The following UBR1 variants were observed in gnomAD, a reference collection of about 807,000 sequenced individuals.
The protein encoded by UBR1 is E3 ubiquitin-protein ligase UBR1.
A neutral mutation model predicts 242.1 loss-of-function variants in UBR1; 102 were observed. The observed-to-expected ratio is 0.42, with a 90% CI of 0.36 to 0.50. The LOEUF (loss-of-function observed/expected upper bound fraction) is 0.50, where lower values mean the gene tolerates loss of function less well. Ranked by LOEUF, UBR1 falls within the 20% of genes least tolerant of loss-of-function variation. The pLI, the probability that UBR1 is intolerant of heterozygous loss-of-function variation, is 0.01. For missense variants in UBR1, 1,772 were observed against 2,101.8 expected, an observed-to-expected ratio of 0.84 and a Z score of 3.07; for synonymous variants, 675 against 684.8, an observed-to-expected ratio of 0.99 and a Z score of 0.22.
intron 11 of UBR1, among the ~76,000 whole-genome samples, chr15:43,055,815 T>C (rs1283523617): frequency 6.6e-6 from 1 of 152,086 alleles, no homozygotes; most frequent in Admixed American, 6.5e-5. Context: ...CTTGGGTGGC[T>C]GAGGCATGAG....
At chr15:43,101,890 C>A (rs2034239186) in intron 1 of UBR1, among the ~76,000 whole-genome samples, 1 of 150,122 alleles carries the variant, frequency 6.7e-6, no homozygotes, top group Non-Finnish European at 1.5e-5. Context: ...ATCGCTTGAA[C>A]CCGGGAGGTA....
chr15:43,072,191 T>C (rs1413758110), intron 4 of UBR1, among the ~76,000 whole-genome samples: 1 of 152,192 alleles, frequency 6.6e-6, no homozygotes, highest in Non-Finnish European at 1.5e-5. Context: ...ATGAAGTACA[T>C]AGTTTTAACA....
At chr15:43,014,459 T>C (rs2032978666) in intron 29 of UBR1, among the ~76,000 whole-genome samples, 1 of 145,464 alleles carries the variant, frequency 6.9e-6, no homozygotes, top group East Asian at 2.1e-4. Context: ...CCGGCTGCCA[T>C]CCCATCTAGG....
At chr15:43,091,298 C>T (rs958078788) in intron 1 of UBR1, among the ~76,000 whole-genome samples, 1 of 152,122 alleles carries the variant, frequency 6.6e-6, no homozygotes, top group Non-Finnish European at 1.5e-5. Flanking sequence ...ATAGGTTGGG[C>T]ATCCCACACC....
At chr15:43,017,991 TTC>T (rs1378389778) in intron 27 of UBR1, among the ~76,000 whole-genome samples, 1 of 151,596 alleles carries the variant, frequency 6.6e-6, no homozygotes, top group Non-Finnish European at 1.5e-5. Context: ...ATTTCGACAT[TTC>T]TTTTTTGGTT....
At chr15:43,041,057 T>C (rs1264717864) in intron 15 of UBR1, among the ~76,000 whole-genome samples, 1 of 152,160 alleles carries the variant, frequency 6.6e-6, no homozygotes, top group Non-Finnish European at 1.5e-5. Context: ...GATCTAGAAC[T>C]AGAAATACCA....
At chr15:43,092,845 C>T (rs762386395) in intron 1 of UBR1, among the ~76,000 whole-genome samples, 1 of 152,184 alleles carries the variant, frequency 6.6e-6, no homozygotes, top group Non-Finnish European at 1.5e-5. Context: ...AGCCACCGCG[C>T]CCAGCCTAGA....
rs1398589711 is a variant in UBR1 at position 43,043,340 on chromosome 15, C to T, written c.1724G>A (p.Ser575Asn). 1.2e-6 allele frequency: 2 copies of T among 1,613,934 alleles called. No homozygotes were observed. Among genetic ancestry groups the T allele is most frequent in the Non-Finnish European group, 1.7e-6 (2 of 1,179,992 alleles). ...KECHKAVMRC[S>N]TSFISSSKTV... ...CTTGCTACTAGATATGAAACTGGTA[C>T]TGCACCTCATCACAGCTTTGTGACA... Residue 575 changes from serine to asparagine, a missense_variant, in exon 15 of 47, where the codon AGT becomes AAT. Physicochemically the swap from Ser to Asn is conservative, Grantham distance 46. Transcript: ENST00000290650.
chr15:43,101,367 C>A (rs1289550895), intron 1 of UBR1, among the ~76,000 whole-genome samples: 2 of 152,194 alleles, frequency 1.3e-5, no homozygotes, highest in Non-Finnish European at 2.9e-5. Context: ...TAGGAAGTCA[C>A]TGCAGTAGCC....
chr15:43,083,941 G>A (rs1183557201), intron 2 of UBR1, among the ~76,000 whole-genome samples: 1 of 151,998 alleles, frequency 6.6e-6, no homozygotes, highest in African/African-American at 2.4e-5. Flanking sequence ...CTACTCAGGA[G>A]GTTGAGGCAG....
chr15:43,093,534 C>A (rs931751391), intron 1 of UBR1, among the ~76,000 whole-genome samples: 1 of 152,058 alleles, frequency 6.6e-6, no homozygotes, highest in Non-Finnish European at 1.5e-5. Flanking sequence ...TAACCCTAGC[C>A]CTTTGGGAGG....
chr15:42,969,343 G>A (rs190234427), intron 40 of UBR1, among the ~76,000 whole-genome samples: 1 of 152,110 alleles, frequency 6.6e-6, no homozygotes, highest in East Asian at 1.9e-4. Flanking sequence ...CATATCCTTC[G>A]CCCACTTTCT....
At chr15:43,075,788 T>C (rs1302226848) in intron 3 of UBR1, among the ~76,000 whole-genome samples, 1 of 151,834 alleles carries the variant, frequency 6.6e-6, no homozygotes, top group African/African-American at 2.4e-5. Flanking sequence ...GCTAATTTTG[T>C]ATTTTTAGTA....
At chr15:43,046,825 ACC>A (rs960402601) in intron 14 of UBR1, among the ~76,000 whole-genome samples, 2 of 152,032 alleles carry the variant, frequency 1.3e-5, no homozygotes, top group African/African-American at 4.8e-5. Flanking sequence ...TGAATAATCT[ACC>A]CCTCTCCATT....
intron 12 of UBR1, among the ~76,000 whole-genome samples, chr15:43,049,317 AC>A (rs767863654): frequency 2.0e-5 from 3 of 152,216 alleles, no homozygotes; most frequent in Non-Finnish European, 4.4e-5. Context: ...TAATCCCAGC[AC>A]TTTAGGAGGC....
At chr15:43,086,606 C>T (rs949416048) in intron 1 of UBR1, among the ~76,000 whole-genome samples, 3 of 151,884 alleles carry the variant, frequency 2.0e-5, no homozygotes, top group Non-Finnish European at 2.9e-5. Context: ...AACAAGAGAT[C>T]GAAATGAACA....
In UBR1 at chr15:43,060,074, T is replaced by C. The variant is rs1230510388; in HGVS notation, c.839A>G (p.Gln280Arg). The C allele has an allele frequency of 6.2e-7, 1 of 1,614,188 alleles. No individual in the cohort carries two copies. Reference protein sequence around the residue: ...AVKAGAYAACQEAKEDIKSHS... With the variant: ...AVKAGAYAACREAKEDIKSHS... The stretch of plus-strand genomic sequence containing the variant: ...TACCTTTATATCTTCCTTTGCTTCC[T>C]GGCAAGCAGCATAAGCTCCCGCTTT... The change falls in exon 7 of 47, where the codon CAG (glutamine) becomes CGG (arginine). Residue 280 changes from glutamine (Q) to arginine (R), a missense_variant. This residue lies in a region of UBR1 where 734 missense variants were observed against 893.3 expected (regional missense o/e 0.82). Transcript: ENST00000290650.
At chr15:43,072,961 G>A (rs577260870) in intron 4 of UBR1, among the ~76,000 whole-genome samples, 7 of 152,024 alleles carry the variant, frequency 4.6e-5, no homozygotes, top group South Asian at 2.1e-4. Context: ...CCAGGAGTTC[G>A]AATCAGCCTG....
rs1276579552 is a variant in UBR1 at position 43,003,777 on chromosome 15, C to G, written c.3509+60G>C. The G allele has an allele frequency of 2.6e-6, 4 of 1,511,110 alleles. No individual in the cohort carries two copies. In the East Asian group the frequency reaches 6.8e-5, roughly 26 times the overall value. 93.6% of individuals were successfully genotyped at this position (1,511,110 alleles called of 1,614,324 possible). On this transcript the variant is annotated intron_variant, in intron 31 of 46. Transcript: ENST00000290650. ...CATGAGAAAACATGCCTTTTTGTGG[C>G]CTTGAGTGAACTTCAATGTTCCTAG...
Sources: allele counts gnomAD v4.1 joint callset (sites outside exome capture counted in the v4.1 genomes callset), GRCh38; gene constraint gnomAD v4.1.1; regional missense constraint gnomAD v4.1.1; transcripts MANE v1.5; gene names NCBI Gene and HGNC (gene_info 2026-07-23, HGNC 2026-07-21).